PPM1D: variants seen among roughly 807,000 people sequenced by gnomAD.
PPM1D encodes protein phosphatase 1D.
PPM1D carries 52 observed loss-of-function variants against 58.3 expected under a neutral mutation model. The observed-to-expected ratio is 0.89, with a 90% CI of 0.71 to 1.12. The LOEUF (loss-of-function observed/expected upper bound fraction) is 1.12. PPM1D is among the 50% of genes most tolerant of loss of function. PPM1D has a pLI of 0.00. For synonymous variants in PPM1D, 278 were observed against 285.1 expected, an observed-to-expected ratio of 0.98 and a Z score of 0.25; for missense variants, 564 against 777.2, an observed-to-expected ratio of 0.73 and a Z score of 3.26.
intron 1 of PPM1D, among the ~76,000 whole-genome samples, chr17:60,605,336 C>T (rs1007327456): frequency 2.0e-5 from 3 of 152,180 alleles, no homozygotes; most frequent in African/African-American, 7.2e-5. Context: ...TGTAGAATCC[C>T]TATAAAGATT....
intron 3 of PPM1D, among the ~76,000 whole-genome samples, chr17:60,637,590 C>A (rs2031049607): frequency 6.6e-6 from 1 of 152,108 alleles, no homozygotes; most frequent in Non-Finnish European, 1.5e-5. Context: ...GAATTGATTT[C>A]AGGTGTTGTC....
intron 2 of PPM1D, among the ~76,000 whole-genome samples, chr17:60,630,510 A>G (rs1034968436): frequency 6.6e-6 from 1 of 152,120 alleles, no homozygotes; most frequent in Non-Finnish European, 1.5e-5. Flanking sequence ...ACGGGCCAGC[A>G]TTTTGTTTTT....
chr17:60,642,481 A>G (rs1355091156), intron 3 of PPM1D, among the ~76,000 whole-genome samples: 2 of 149,686 alleles, frequency 1.3e-5, no homozygotes, highest in Non-Finnish European at 3.0e-5. Flanking sequence ...TTTTTTTGAG[A>G]TGGTGTCTTG....
At chr17:60,625,238 C>G (rs1281521903) in intron 2 of PPM1D, among the ~76,000 whole-genome samples, 3 of 152,030 alleles carry the variant, frequency 2.0e-5, no homozygotes, top group Non-Finnish European at 4.4e-5. Flanking sequence ...CAAAAAAATG[C>G]AAAACAGTAG....
chr17:60,602,803 A>G (rs1265349681), intron 1 of PPM1D, among the ~76,000 whole-genome samples: 1 of 144,800 alleles, frequency 6.9e-6, no homozygotes, highest in Non-Finnish European at 1.5e-5. Context: ...AAAAAAAAGT[A>G]TGCTAATTAT....
At chr17:60,610,780 C>G (rs1052201570) in intron 1 of PPM1D, among the ~76,000 whole-genome samples, 2 of 152,162 alleles carry the variant, frequency 1.3e-5, no homozygotes, top group African/African-American at 2.4e-5. Flanking sequence ...TGACCCTGCT[C>G]TAGTGTACTA....
intron 1 of PPM1D, among the ~76,000 whole-genome samples, chr17:60,607,003 T>TC (rs2030343867): frequency 6.6e-6 from 1 of 151,720 alleles, no homozygotes; most frequent in East Asian, 1.9e-4. Flanking sequence ...TTTTTAATTT[T>TC]TTTTTTTTAT....
At chr17:60,633,467 G>A (rs1317508340) in intron 2 of PPM1D, among the ~76,000 whole-genome samples, 2 of 152,080 alleles carry the variant, frequency 1.3e-5, no homozygotes, top group African/African-American at 4.8e-5. Flanking sequence ...GAGTACAGTG[G>A]TGTGATTCTC....
chr17:60,614,950 T>C (rs1339766438), intron 1 of PPM1D, among the ~76,000 whole-genome samples: 1 of 152,168 alleles, frequency 6.6e-6, no homozygotes, highest in African/African-American at 2.4e-5. Flanking sequence ...TTGAAGTCAG[T>C]GAGACCAAGA....
chr17:60,648,454 G>T (rs770831587), intron 4 of PPM1D, among the ~76,000 whole-genome samples: 2 of 144,688 alleles, frequency 1.4e-5, no homozygotes, highest in African/African-American at 5.1e-5. Context: ...GCACAATCTC[G>T]GCTCACTGCA....
At chr17:60,610,106 G>A (rs1479940795) in intron 1 of PPM1D, among the ~76,000 whole-genome samples, 2 of 151,658 alleles carry the variant, frequency 1.3e-5, no homozygotes, top group African/African-American at 2.4e-5. Flanking sequence ...CTTGAACCTG[G>A]GAGGTGGAGA....
At chr17:60,654,519 A>C (rs928700347) in intron 4 of PPM1D, among the ~76,000 whole-genome samples, 7 of 148,664 alleles carry the variant, frequency 4.7e-5, no homozygotes, top group African/African-American at 1.7e-4. Flanking sequence ...ACAACAAACA[A>C]AATTTTCCAC....
At chr17:60,606,813 G>A (rs985609726) in intron 1 of PPM1D, among the ~76,000 whole-genome samples, 1 of 151,928 alleles carries the variant, frequency 6.6e-6, no homozygotes, top group Admixed American at 6.6e-5. Flanking sequence ...TTTTTTGTGT[G>A]TGTGACAGGG....
chr17:60,612,946 G>A (rs777192137), intron 1 of PPM1D, among the ~76,000 whole-genome samples: 6 of 152,160 alleles, frequency 3.9e-5, no homozygotes, highest in South Asian at 2.1e-4. Context: ...TGAAGGATGC[G>A]ACAGTGCTTT....
At position 60,663,661 on chromosome 17, in the gene PPM1D, C is replaced by A; in HGVS notation, c.*109C>A. On this transcript the variant is annotated 3_prime_UTR_variant, in exon 6 of 6. Transcript: ENST00000305921. ...AGGGGAGAAAATTAAAAGAAATATACAGTTTGACTTTTTGGAATTCAGCAG... is the reference window on the plus strand; with the variant it reads ...AGGGGAGAAAATTAAAAGAAATATAAAGTTTGACTTTTTGGAATTCAGCAG... 1 of 1,201,952 alleles carries A rather than the reference C, an allele frequency of 8.3e-7. No homozygotes were observed. Among genetic ancestry groups the A allele is most frequent in the Non-Finnish European group, 1.1e-6 (1 of 880,900 alleles). 74.5% of individuals were successfully genotyped at this position (1,201,952 alleles called of 1,614,324 possible). A position where few individuals can be genotyped will look rare whatever the true frequency, so the allele number is the denominator to read the frequency against.
At chr17:60,618,211 C>T (rs759189384) in intron 1 of PPM1D, among the ~76,000 whole-genome samples, 5 of 152,166 alleles carry the variant, frequency 3.3e-5, no homozygotes, top group East Asian at 1.9e-4. Flanking sequence ...TGGGCTCAAG[C>T]GATCCCCCTG....
intron 1 of PPM1D, among the ~76,000 whole-genome samples, chr17:60,618,703 G>A (rs561268063): frequency 5.3e-5 from 8 of 152,076 alleles, no homozygotes; most frequent in Non-Finnish European, 1.0e-4. Flanking sequence ...CCTTTGGCGC[G>A]TAGGTGTGTG....
chr17:60,633,751 G>A, intron 2 of PPM1D, 102 bp from the exon 3 acceptor site: 1 of 1,166,230 alleles, frequency 8.6e-7, no homozygotes, highest in Non-Finnish European at 1.2e-6. Context: ...ACATTATTTT[G>A]TAATAATGTA....
rs369785844 is a variant in PPM1D at position 60,617,010 on chromosome 17, C to T, written c.473-6511C>T. Among the ~76,000 whole-genome samples, 29 of 152,064 alleles carry T rather than the reference C, an allele frequency of 1.9e-4. 1 individual carries two copies. In the East Asian group the frequency reaches 1.9e-3, roughly 10 times the overall value. ...TCGCCCAGGCTGGAGTGCAGTGGCA[C>T]GATTATAGCTCACTGCAGCCTTGAA... is the stretch of plus-strand genomic sequence containing the variant. On this transcript the variant is annotated intron_variant, in intron 1 of 5. Coordinates refer to ENST00000305921, the MANE Select transcript of PPM1D (RefSeq NM_003620.4).
Sources: gnomAD v4.1 joint callset for allele counts (sites outside exome capture counted in the v4.1 genomes callset) on GRCh38, gnomAD v4.1.1 for gene constraint, MANE v1.5 for transcripts, NCBI Gene and HGNC (gene_info 2026-07-23, HGNC 2026-07-21) for gene names.